DMD: variants seen among roughly 807,000 people sequenced by gnomAD.
DMD encodes the protein mutant dystrophin.
Under a neutral mutation model 330.1 loss-of-function variants are expected in DMD, and 63 were observed. The ratio of observed to expected loss-of-function variants is 0.19; its 90% CI spans 0.16 to 0.24. The LOEUF is 0.24. DMD is among the 10% of genes least tolerant of loss of function. DMD has a pLI of 1.00. For missense variants in DMD, 3,344 were observed against 2,684.1 expected (o/e 1.25, Z -5.43); for synonymous variants, 1,223 against 959.8 (o/e 1.27, Z -5.07).
At chrX:31,192,296 G>C (rs2042451041) in intron 67 of DMD, among the ~76,000 whole-genome samples, 1 of 111,898 alleles carries the variant, frequency 8.9e-6, no homozygotes, top group African/African-American at 3.2e-5. Context: ...TAAAACAGAA[G>C]GAAGGTGACA....
chrX:32,005,231 G>A (rs1446290516), intron 44 of DMD, among the ~76,000 whole-genome samples: 1 of 111,424 alleles, frequency 9.0e-6, no homozygotes, highest in Non-Finnish European at 1.9e-5. Context: ...CTATGAATGG[G>A]TCTCTTGCAA....
At chrX:32,885,103 A>G (rs781498863) in intron 2 of DMD, among the ~76,000 whole-genome samples, 1 of 111,830 alleles carries the variant, frequency 8.9e-6, no homozygotes, top group South Asian at 3.7e-4. Context: ...TATTTTTCTG[A>G]TCATGATGCT....
At chrX:32,072,643 T>C (rs188698922) in intron 44 of DMD, among the ~76,000 whole-genome samples, 76 of 111,591 alleles carry the variant, frequency 6.8e-4, no homozygotes, top group African/African-American at 2.4e-3. Context: ...CATATATACA[T>C]TAAGAAAATT....
intron 1 of DMD, among the ~76,000 whole-genome samples, chrX:33,154,554 T>C (rs755915458): frequency 4.5e-5 from 5 of 111,810 alleles, no homozygotes; most frequent in African/African-American, 1.6e-4. Flanking sequence ...TTAGATATAC[T>C]ATGGAATATT....
chrX:32,155,999 CA>C (rs1412410040), intron 44 of DMD, among the ~76,000 whole-genome samples: 1 of 109,905 alleles, frequency 9.1e-6, no homozygotes, highest in Non-Finnish European at 1.9e-5. Context: ...CACACACACA[CA>C]CACACACACA....
chrX:31,735,185 G>A (rs769696412), intron 51 of DMD, among the ~76,000 whole-genome samples: 4 of 111,480 alleles, frequency 3.6e-5, no homozygotes, highest in Non-Finnish European at 7.5e-5. Flanking sequence ...CCACTAGACC[G>A]CACACTGGGA....
At chrX:31,167,350 C>A (rs951719300) in intron 74 of DMD, among the ~76,000 whole-genome samples, 8 of 111,181 alleles carry the variant, frequency 7.2e-5, no homozygotes, top group African/African-American at 2.6e-4. Flanking sequence ...AAAGTGCACT[C>A]AAAATGATAA....
chrX:31,589,434 G>A (rs746792099), intron 55 of DMD, among the ~76,000 whole-genome samples: 10 of 111,397 alleles, frequency 9.0e-5, no homozygotes, highest in African/African-American at 3.3e-4. Flanking sequence ...AAAGGAAAGC[G>A]GGTAGGGGTT....
In DMD at chrX:32,699,155, TCTTTAGTCA is replaced by T. The variant is rs1327627954; in HGVS notation, c.779_787del (p.Val260_Lys262del). On this transcript the variant is annotated inframe_deletion, in exon 8 of 79. Transcript: ENST00000357033. ...TTGATGATGTAACTGAAAATGTTCT[TCTTTAGTCA>T]CTTTAGGTGGCCTTGGCAACATTTC... 8.3e-7 allele frequency: 1 copy of T among 1,210,818 alleles called. No individual in the cohort carries two copies. Among genetic ancestry groups the T allele is most frequent in the African/African-American group, 1.7e-5 (1 of 57,789 alleles).
At chrX:31,195,837 G>C (rs1286566888) in intron 67 of DMD, among the ~76,000 whole-genome samples, 1 of 109,694 alleles carries the variant, frequency 9.1e-6, no homozygotes, top group African/African-American at 3.3e-5. Flanking sequence ...GGGAGGGCAG[G>C]AAGGAAGGAA....
chrX:32,906,683 T>C (rs1285506806), intron 2 of DMD, among the ~76,000 whole-genome samples: 1 of 111,476 alleles, frequency 9.0e-6, no homozygotes, highest in East Asian at 2.8e-4. Flanking sequence ...AGAGGTGAGA[T>C]GATTTAATTG....
At position 32,753,355 on chromosome X, in the gene DMD, C is replaced by T. The variant is rs144525230; in HGVS notation, c.650-54062G>A. ...ATGTCTTCAATAAATTCATTCAGGCCTAACAGAACACTTTGCCCATAGGAG... is the reference window on the plus strand; with the variant it reads ...ATGTCTTCAATAAATTCATTCAGGCTTAACAGAACACTTTGCCCATAGGAG... On this transcript the variant is annotated intron_variant, in intron 7 of 78. Transcript: ENST00000357033. Among the ~76,000 whole-genome samples, 10 of 112,151 alleles carry T rather than the reference C, an allele frequency of 8.9e-5. No individual in the cohort carries two copies. In the East Asian group the frequency reaches 2.8e-3, roughly 31 times the overall value.
intron 44 of DMD, among the ~76,000 whole-genome samples, chrX:32,009,891 A>T (rs7056542): frequency 2.7e-5 from 3 of 112,179 alleles, no homozygotes; most frequent in African/African-American, 9.7e-5. Flanking sequence ...ATCCAGCTCA[A>T]CTAGGTAGGT....
chrX:32,763,372 G>C (rs1333373701), intron 7 of DMD, among the ~76,000 whole-genome samples: 1 of 112,047 alleles, frequency 8.9e-6, no homozygotes, highest in Admixed American at 9.5e-5. Flanking sequence ...GTTTAAAGCA[G>C]TGATTAAATA....
intron 2 of DMD, among the ~76,000 whole-genome samples, chrX:32,888,337 T>C (rs2084871727): frequency 9.1e-6 from 1 of 109,937 alleles, no homozygotes; most frequent in Admixed American, 9.8e-5. Flanking sequence ...CAGGCTCCGG[T>C]CTGTCATGTT....
intron 25 of DMD, among the ~76,000 whole-genome samples, chrX:32,458,179 A>C (rs1488244656): frequency 9.0e-6 from 1 of 110,705 alleles, no homozygotes; most frequent in Admixed American, 9.7e-5. Context: ...ATAGACTTAA[A>C]CCCAGGCGAT....
chrX:31,187,894 G>T (rs902426858), intron 67 of DMD, among the ~76,000 whole-genome samples: 2 of 111,243 alleles, frequency 1.8e-5, no homozygotes, highest in African/African-American at 6.5e-5. Flanking sequence ...CTCCACTGAG[G>T]ACAGAACAAG....
chrX:33,177,125 C>T (rs1037681478), intron 1 of DMD, among the ~76,000 whole-genome samples: 6 of 111,355 alleles, frequency 5.4e-5, no homozygotes, highest in Non-Finnish European at 1.1e-4. Context: ...ATGGGTTGGA[C>T]TCTTGTACTT....
At chrX:32,604,810 CAA>C (rs145750291) in intron 12 of DMD, among the ~76,000 whole-genome samples, 1 of 96,302 alleles carries the variant, frequency 1.0e-5, no homozygotes, top group African/African-American at 3.7e-5. Context: ...ACAACAACTA[CAA>C]AAAAAAAAAA....
Sources: allele counts gnomAD v4.1 joint callset (sites outside exome capture counted in the v4.1 genomes callset), GRCh38; gene constraint gnomAD v4.1.1; transcripts MANE v1.5; gene names NCBI Gene and HGNC (gene_info 2026-07-23, HGNC 2026-07-21).